Variants in RXFP1 observed in about 807,000 individuals in gnomAD.
RXFP1 encodes relaxin family peptide receptor 1, also known as relaxin receptor 1.
A neutral mutation model predicts 89.8 loss-of-function variants in RXFP1; 73 were observed. The observed-to-expected ratio is 0.81, with a 90% CI of 0.67 to 0.99. The LOEUF (loss-of-function observed/expected upper bound fraction) is 0.99. Among genes scored for constraint, RXFP1 ranks in the 50% least tolerant of loss-of-function variants. RXFP1 has a pLI of 0.00. For synonymous variants in RXFP1, 277 were observed against 305.5 expected, an observed-to-expected ratio of 0.91 and a Z score of 0.97; for missense variants, 793 against 895.5, an observed-to-expected ratio of 0.89 and a Z score of 1.46.
intron 2 of RXFP1, among the ~76,000 whole-genome samples, chr4:158,573,727 T>C (rs897569414): frequency 1.1e-4 from 16 of 152,112 alleles, no homozygotes; most frequent in African/African-American, 3.9e-4. Context: ...CGATAAGCAA[T>C]TATGTAAGCT....
chr4:158,533,087 G>A (rs997298332), intron 1 of RXFP1, among the ~76,000 whole-genome samples: 11 of 152,302 alleles, frequency 7.2e-5, no homozygotes, highest in African/African-American at 2.6e-4. Flanking sequence ...CTCTCTAGAG[G>A]TTGTGGAAAG....
At chr4:158,585,095 GAAAACC>G (rs1758040383) in intron 2 of RXFP1, among the ~76,000 whole-genome samples, 1 of 152,228 alleles carries the variant, frequency 6.6e-6, no homozygotes, top group Middle Eastern at 3.4e-3. Flanking sequence ...ATACACTTTT[GAAAACC>G]ACTGATCTAG....
chr4:158,585,474 G>C (rs73860531), intron 2 of RXFP1, among the ~76,000 whole-genome samples: 1 of 152,098 alleles, frequency 6.6e-6, no homozygotes, highest in African/African-American at 2.4e-5. Context: ...CTAACAACAT[G>C]GGGGGAGAGA....
intron 1 of RXFP1, among the ~76,000 whole-genome samples, chr4:158,546,662 G>A (rs564697508): frequency 2.0e-4 from 30 of 152,196 alleles, no homozygotes; most frequent in Admixed American, 1.5e-3. Context: ...TAGCATGAAG[G>A]GTTGTTGAAT....
intron 8 of RXFP1, among the ~76,000 whole-genome samples, chr4:158,615,687 G>A (rs1294090370): frequency 6.6e-6 from 1 of 152,068 alleles, no homozygotes; most frequent in Non-Finnish European, 1.5e-5. Flanking sequence ...GCTCACGTCT[G>A]TAATCTCATG....
chr4:158,620,481 A>G (rs1765419727), intron 9 of RXFP1, among the ~76,000 whole-genome samples: 1 of 152,142 alleles, frequency 6.6e-6, no homozygotes, highest in Non-Finnish European at 1.5e-5. Context: ...TCCATGCAGA[A>G]GTCAAGAAAA....
intron 4 of RXFP1, among the ~76,000 whole-genome samples, chr4:158,601,299 A>G (rs1761650091): frequency 6.6e-6 from 1 of 152,172 alleles, no homozygotes; most frequent in South Asian, 2.1e-4. Flanking sequence ...AGATGACTCC[A>G]AGGTTTCCCT....
chr4:158,598,589 A>G (rs1026559336), intron 3 of RXFP1, among the ~76,000 whole-genome samples: 1 of 152,190 alleles, frequency 6.6e-6, no homozygotes, highest in Non-Finnish European at 1.5e-5. Flanking sequence ...ACATCATTGC[A>G]AATCTCTAAT....
At chr4:158,541,060 G>T (rs183571930) in intron 1 of RXFP1, among the ~76,000 whole-genome samples, 2 of 152,144 alleles carry the variant, frequency 1.3e-5, no homozygotes, top group African/African-American at 4.8e-5. Flanking sequence ...ACAGCAGTCA[G>T]CCAACAGTCA....
chr4:158,630,327 G>A lies in RXFP1; in HGVS notation c.899+1618G>A, dbSNP rs1277972092. ...CATCTGTTGTAGCAACTCCTGGCAC[G>A]TGATAATTGAACCATATCATCAGCA... On this transcript the variant is annotated intron_variant, in intron 11 of 17. Transcript: ENST00000307765. Among the ~76,000 whole-genome samples the A allele has an allele frequency of 5.3e-5, 8 of 152,180 alleles. No individual in the cohort carries two copies. In the East Asian group the frequency reaches 5.8e-4, roughly 11 times the overall value.
chr4:158,542,597 T>C (rs1265569603), intron 1 of RXFP1, among the ~76,000 whole-genome samples: 2 of 152,208 alleles, frequency 1.3e-5, no homozygotes, highest in East Asian at 3.9e-4. Context: ...TGTATCTGCC[T>C]TGTTCCTCTA....
chr4:158,647,344 C>T lies in RXFP1; in HGVS notation c.1756+143C>T, dbSNP rs566309397. On this transcript the variant is annotated intron_variant, in intron 16 of 17. Transcript: ENST00000307765. ...AATTATACTCTGATATAAATTCCAA[C>T]CTGACACAGCTTAATAAAAGACACT... The T allele has an allele frequency of 4.5e-5, 29 of 642,350 alleles. No individual in the cohort carries two copies. The African/African-American group carries it at 5.3e-4, about 12-fold the overall frequency. The allele number at this position is 642,350 out of a possible 1,614,324, so 39.8% of individuals were successfully genotyped here.
chr4:158,565,942 T>C (rs997350559), intron 1 of RXFP1, among the ~76,000 whole-genome samples: 2 of 152,182 alleles, frequency 1.3e-5, no homozygotes, highest in African/African-American at 4.8e-5. Flanking sequence ...ATGCATAACC[T>C]GAATCTAATT....
intron 11 of RXFP1, among the ~76,000 whole-genome samples, chr4:158,631,213 T>C (rs1400634132): frequency 6.6e-6 from 1 of 152,204 alleles, no homozygotes; most frequent in African/African-American, 2.4e-5. Flanking sequence ...AACAAGACAT[T>C]TGGAATTTTA....
intron 1 of RXFP1, among the ~76,000 whole-genome samples, chr4:158,572,133 G>A (rs748581837): frequency 2.0e-5 from 3 of 152,180 alleles, no homozygotes; most frequent in Admixed American, 6.5e-5. Flanking sequence ...CCCAAAACCC[G>A]GAAACCCTCT....
rs367607147 is a variant in RXFP1 at position 158,549,239 on chromosome 4, G to A, written c.50-23459G>A. On this transcript the variant is annotated intron_variant, in intron 1 of 17. Transcript: ENST00000307765. ...CTGATACCCTTTCTTCCAGTTGATCGCATCGGCTCCTGAGGCTTCTGCATT... is the reference window on the plus strand; with the variant it reads ...CTGATACCCTTTCTTCCAGTTGATCACATCGGCTCCTGAGGCTTCTGCATT... Among the ~76,000 whole-genome samples the A allele has an allele frequency of 3.4e-3, 520 of 152,044 alleles. 1 individual carries two copies. The highest frequency in any genetic ancestry group is 0.012 in the African/African-American group (490 of 41,450).
chr4:158,589,564 C>G (rs890163236), intron 2 of RXFP1, among the ~76,000 whole-genome samples: 1 of 152,130 alleles, frequency 6.6e-6, no homozygotes, highest in African/African-American at 2.4e-5. Context: ...TTATTTACCT[C>G]AAGTAAAGTA....
intron 11 of RXFP1, among the ~76,000 whole-genome samples, chr4:158,632,876 T>C (rs1768361856): frequency 6.6e-6 from 1 of 152,046 alleles, no homozygotes; most frequent in South Asian, 2.1e-4. Context: ...ATGCGATTGA[T>C]TAAAACCAGA....
At chr4:158,611,205 G>A (rs1763513699) in intron 6 of RXFP1, among the ~76,000 whole-genome samples, 1 of 152,214 alleles carries the variant, frequency 6.6e-6, no homozygotes, top group South Asian at 2.1e-4. Context: ...GGAATTCACT[G>A]CTTGCTCAAA....
Sources: gnomAD v4.1 joint callset for allele counts (sites outside exome capture counted in the v4.1 genomes callset) on GRCh38, gnomAD v4.1.1 for gene constraint, MANE v1.5 for transcripts, NCBI Gene and HGNC (gene_info 2026-07-23, HGNC 2026-07-21) for gene names.